CDH18: variants seen among roughly 807,000 people sequenced by gnomAD.
CDH18 encodes cadherin 18.
A neutral mutation model predicts 67.9 loss-of-function variants in CDH18; 31 were observed. That is an observed-to-expected ratio of 0.46 (90% CI 0.34 to 0.62). The LOEUF (loss-of-function observed/expected upper bound fraction) is 0.62. Among genes scored for constraint, CDH18 ranks in the 20% least tolerant of loss-of-function variants. The probability of loss-of-function intolerance (pLI) is 0.01; values close to 1 mark genes in which losing one functional copy is unlikely to be tolerated. For synonymous variants in CDH18, 362 were observed against 347.2 expected (o/e 1.04, Z -0.48); for missense variants, 890 against 975.5 (o/e 0.91, Z 1.17).
intron 2 of CDH18, among the ~76,000 whole-genome samples, chr5:19,959,849 A>G (rs750988568): frequency 2.6e-5 from 4 of 152,142 alleles, no homozygotes; most frequent in Non-Finnish European, 4.4e-5. Flanking sequence ...GATATAGCCT[A>G]TTGCTCCTAG....
At chr5:19,537,647 T>G (rs1174324617) in intron 9 of CDH18, among the ~76,000 whole-genome samples, 1 of 152,054 alleles carries the variant, frequency 6.6e-6, no homozygotes, top group East Asian at 1.9e-4. Context: ...CCTCTTAGAG[T>G]GATTAAACTA....
intron 2 of CDH18, among the ~76,000 whole-genome samples, chr5:19,878,901 T>C (rs559730982): frequency 1.3e-5 from 2 of 152,168 alleles, no homozygotes; most frequent in African/African-American, 4.8e-5. Flanking sequence ...AGTTTTCGAA[T>C]GTTGCAAACT....
chr5:19,668,091 T>G (rs1445827203), intron 5 of CDH18, among the ~76,000 whole-genome samples: 1 of 152,024 alleles, frequency 6.6e-6, no homozygotes, highest in Non-Finnish European at 1.5e-5. Flanking sequence ...GACAAAGCCT[T>G]TTTCACTGTA....
At chr5:20,085,795 A>G (rs1287304825) in intron 2 of CDH18, among the ~76,000 whole-genome samples, 2 of 152,146 alleles carry the variant, frequency 1.3e-5, no homozygotes, top group Non-Finnish European at 2.9e-5. Flanking sequence ...ACTTGCCCCC[A>G]TGATTCAATT....
At chr5:19,833,329 G>A (rs1421596440) in intron 3 of CDH18, among the ~76,000 whole-genome samples, 2 of 151,920 alleles carry the variant, frequency 1.3e-5, no homozygotes, top group Non-Finnish European at 2.9e-5. Flanking sequence ...CTTGCCTATT[G>A]TTGGTGTAAA....
chr5:19,648,010 C>G (rs546605891), intron 5 of CDH18, among the ~76,000 whole-genome samples: 1 of 152,200 alleles, frequency 6.6e-6, no homozygotes, highest in East Asian at 1.9e-4. Flanking sequence ...GATTTGTTTT[C>G]AAGACAATTG....
chr5:19,615,548 T>C (rs1360004983), intron 5 of CDH18, among the ~76,000 whole-genome samples: 1 of 152,130 alleles, frequency 6.6e-6, no homozygotes, highest in Non-Finnish European at 1.5e-5. Flanking sequence ...CATTGACACA[T>C]CATTACTCTC....
intron 8 of CDH18, among the ~76,000 whole-genome samples, chr5:19,560,886 T>C (rs1739334423): frequency 1.3e-5 from 2 of 151,992 alleles, no homozygotes; most frequent in African/African-American, 4.8e-5. Flanking sequence ...ATATTCCAAA[T>C]GGCCAATAAA....
intron 2 of CDH18, among the ~76,000 whole-genome samples, chr5:19,975,886 T>G (rs1341660739): frequency 2.5e-5 from 3 of 118,530 alleles, no homozygotes; most frequent in Non-Finnish European, 6.4e-5. Context: ...AATTTAAGTG[T>G]TAAAAATACC....
intron 1 of CDH18, among the ~76,000 whole-genome samples, chr5:20,284,259 G>A (rs1274411379): frequency 1.3e-5 from 2 of 151,914 alleles, no homozygotes; most frequent in East Asian, 3.9e-4. Context: ...TGGATTGTTT[G>A]TCACATAAAG....
intron 3 of CDH18, among the ~76,000 whole-genome samples, chr5:19,823,646 A>G (rs1780115623): frequency 1.3e-5 from 2 of 152,320 alleles, no homozygotes; most frequent in Middle Eastern, 3.4e-3. Flanking sequence ...TTATCACCCC[A>G]CTGACAGCTT....
At chr5:19,690,083 G>A (rs935649685) in intron 5 of CDH18, among the ~76,000 whole-genome samples, 2 of 149,308 alleles carry the variant, frequency 1.3e-5, no homozygotes, top group African/African-American at 2.5e-5. Context: ...ATGTGTGTGT[G>A]TATATATATA....
At chr5:20,169,413 G>A (rs1210041142) in intron 2 of CDH18, among the ~76,000 whole-genome samples, 1 of 152,066 alleles carries the variant, frequency 6.6e-6, no homozygotes, top group Non-Finnish European at 1.5e-5. Context: ...AACAAAGGAG[G>A]AACATTGAAT....
chr5:19,993,118 A>C (rs1038584661), upstream of CDH18, among the ~76,000 whole-genome samples: 1 of 152,172 alleles, frequency 6.6e-6, no homozygotes, highest in Non-Finnish European at 1.5e-5. Context: ...AAGAACTACA[A>C]ATTTCATAAA....
intron 1 of CDH18, among the ~76,000 whole-genome samples, chr5:20,490,122 C>G (rs998154620): frequency 6.6e-6 from 1 of 151,234 alleles, no homozygotes; most frequent in Non-Finnish European, 1.5e-5. Context: ...ATAATCATTG[C>G]TACTCGCTAA....
chr5:19,487,528 A>G (rs1740606191), intron 11 of CDH18, among the ~76,000 whole-genome samples: 1 of 152,192 alleles, frequency 6.6e-6, no homozygotes, highest in Non-Finnish European at 1.5e-5. Context: ...AATTTTGTTG[A>G]CAAAAGGGCC....
At chr5:19,607,683 T>C (rs968874250) in intron 6 of CDH18, among the ~76,000 whole-genome samples, 1 of 151,460 alleles carries the variant, frequency 6.6e-6, no homozygotes, top group African/African-American at 2.4e-5. Flanking sequence ...AGAGAAATTA[T>C]AATGTCATTT....
In CDH18 at chr5:19,571,632, G is replaced by A. The variant is rs61316196; in HGVS notation, c.1200C>T (p.Thr400=). 6.1e-3 allele frequency: 9,868 copies of A among 1,613,776 alleles called. 460 individuals carry two copies. In the African/African-American group the frequency reaches 0.11, roughly 18 times the overall value. ...CTTGTGCCAAAACTGTACCAACGAC[G>A]GTCCCAATCTTGGCATTTTCGTAGA... is the stretch of plus-strand genomic sequence containing the variant. ...MEVYENAKIG[T]VVGTVLAQDP... The change falls in exon 8 of 13, where the codon ACC becomes ACT. Residue 400 remains threonine, a synonymous_variant. Transcript: ENST00000382275.
At chr5:19,783,858 G>A (rs897910030) in intron 3 of CDH18, among the ~76,000 whole-genome samples, 1 of 152,108 alleles carries the variant, frequency 6.6e-6, no homozygotes, top group Non-Finnish European at 1.5e-5. Flanking sequence ...TTCATGACTA[G>A]TAGTGGCTAC....
Sources: allele counts gnomAD v4.1 joint callset (sites outside exome capture counted in the v4.1 genomes callset), GRCh38; gene constraint gnomAD v4.1.1; transcripts MANE v1.5; gene names NCBI Gene and HGNC (gene_info 2026-07-23, HGNC 2026-07-21).